The following ROCK2 variants were observed in gnomAD, a reference collection of about 807,000 sequenced individuals.
ROCK2 encodes Rho associated coiled-coil containing protein kinase 2.
In ROCK2, 61 loss-of-function variants were observed where a neutral mutation model predicts 195.1. That is an observed-to-expected ratio of 0.31 (90% confidence interval 0.25 to 0.39). The LOEUF is 0.39. ROCK2 is among the 10% of genes least tolerant of loss of function. ROCK2 has a pLI of 1.00. For missense variants in ROCK2, 1,109 were observed against 1,637.4 expected, an observed-to-expected ratio of 0.68 and a Z score of 5.57; for synonymous variants, 504 against 545.5, an observed-to-expected ratio of 0.92 and a Z score of 1.06.
At chr2:11,211,908 A>ATTTTT in intron 17 of ROCK2, 68 bp from the exon 18 acceptor site, 4 of 1,012,332 alleles carry the variant, frequency 4.0e-6, no homozygotes, top group Non-Finnish European at 5.4e-6. Flanking sequence ...AAGCTTTCTA[A>ATTTTT]TTTTTTTTTT....
chr2:11,235,965 G>A lies in ROCK2; in HGVS notation c.463-3C>T. 7.9e-6 allele frequency: 11 copies of A among 1,393,042 alleles called. No homozygotes were observed. The highest frequency in any genetic ancestry group is 4.1e-5 in the South Asian group (2 of 49,068). The allele number at this position is 1,393,042 out of a possible 1,614,324, so 86.3% of individuals were successfully genotyped here. On this transcript the variant is annotated splice_polypyrimidine_tract_variant and splice_region_variant and intron_variant, in intron 4 of 32. Transcript: ENST00000315872. This position sits in a 1 kb window ranked among gnomAD's most constrained non-coding sequence, Gnocchi z 4.2. Reference sequence around the variant, plus strand: ...TCATCTTGAAAGGCATAAAAAAGCTGGAAAACAAAAGGAAAAGGAAAAATT... The same window carrying A: ...TCATCTTGAAAGGCATAAAAAAGCTAGAAAACAAAAGGAAAAGGAAAAATT...
At position 11,217,157 on chromosome 2, in the gene ROCK2, G is replaced by C; in HGVS notation, c.1345C>G (p.Leu449Val). 6.4e-7 allele frequency: 1 copy of C among 1,551,478 alleles called. No individual in the cohort carries two copies. The highest frequency in any genetic ancestry group is 8.9e-7 in the Non-Finnish European group (1 of 1,125,628). The change falls in exon 12 of 33, where the codon CTG becomes GTG. Residue 449 changes from leucine to valine, a missense_variant. Transcript: ENST00000315872. ...CTAAGATGTTCTTCTAATGTATACA[G>C]TTTTTTCTGAATCTGTCAAAAAACA... ...NEESQEIQKKLYTLEEHLSNE... is the reference protein window; with the variant it reads ...NEESQEIQKKVYTLEEHLSNE...
At chr2:11,272,799 G>A (rs1320780446) in intron 3 of ROCK2, among the ~76,000 whole-genome samples, 1 of 147,748 alleles carries the variant, frequency 6.8e-6, no homozygotes, top group Non-Finnish European at 1.5e-5. Flanking sequence ...GAACACGGGA[G>A]ACAGAGGTTA....
At chr2:11,273,762 T>C (rs1403729316) in intron 3 of ROCK2, among the ~76,000 whole-genome samples, 1 of 151,988 alleles carries the variant, frequency 6.6e-6, no homozygotes, top group Admixed American at 6.6e-5. Flanking sequence ...TTTAAAAAGA[T>C]AGACATACAA....
At chr2:11,218,715 T>G (rs944151804) in intron 10 of ROCK2, among the ~76,000 whole-genome samples, 1 of 152,216 alleles carries the variant, frequency 6.6e-6, no homozygotes, top group Admixed American at 6.5e-5. Flanking sequence ...ACAAACTTAT[T>G]CTATCACTTT....
chr2:11,201,900 G>T lies in ROCK2; in HGVS notation c.2619+152C>A. On this transcript the variant is annotated intron_variant, in intron 21 of 32. Coordinates refer to ENST00000315872, the MANE Select transcript of ROCK2 (RefSeq NM_004850.5). The surrounding 1 kb of genome is among the most constrained non-coding windows in gnomAD (Gnocchi z 4.6). ...CTTCACCAGGTATGTTTTGTGCTTAGAATTATTTTTCTAGCAATGATAATA... is the reference window on the plus strand; with the variant it reads ...CTTCACCAGGTATGTTTTGTGCTTATAATTATTTTTCTAGCAATGATAATA... 1 of 596,806 alleles carries T rather than the reference G, an allele frequency of 1.7e-6. No individual in the cohort carries two copies. The highest frequency in any genetic ancestry group is 2.6e-5 in the Admixed American group (1 of 37,830). 37.0% of individuals were successfully genotyped at this position (596,806 alleles called of 1,614,324 possible). A position where few individuals can be genotyped will look rare whatever the true frequency, so the allele number is the denominator to read the frequency against.
chr2:11,283,047 G>T (rs1368125453), intron 3 of ROCK2, among the ~76,000 whole-genome samples: 1 of 151,944 alleles, frequency 6.6e-6, no homozygotes, highest in Non-Finnish European at 1.5e-5. Context: ...TGGGCAGATT[G>T]CCTGAGGTCA....
chr2:11,208,222 A>C (rs1387743802), intron 19 of ROCK2, 65 bp downstream of exon 19: 2 of 1,002,534 alleles, frequency 2.0e-6, no homozygotes, highest in Non-Finnish European at 2.6e-6. Context: ...CCATCACTAG[A>C]CCTTCATGAA....
intron 17 of ROCK2, among the ~76,000 whole-genome samples, chr2:11,214,016 T>A (rs1328909977): frequency 1.3e-5 from 2 of 152,206 alleles, no homozygotes; most frequent in Non-Finnish European, 2.9e-5. Context: ...AAAGAAAAAC[T>A]TCTAAATGCC....
At chr2:11,257,757 T>C (rs1868584) in intron 3 of ROCK2, among the ~76,000 whole-genome samples, 124,910 of 151,024 alleles carry the variant, frequency 0.83, 52,958 homozygotes, top group East Asian at 0.94. Flanking sequence ...ATAGGTACTT[T>C]AGGAGATTCG....
intron 1 of ROCK2, chr2:11,308,497 G>C (rs1667933938): frequency 6.3e-7 from 1 of 1,590,638 alleles, no homozygotes. Flanking sequence ...TCTTACCAAG[G>C]TTGCCACTGG....
At chr2:11,276,053 A>G (rs984187848) in intron 3 of ROCK2, among the ~76,000 whole-genome samples, 5 of 152,172 alleles carry the variant, frequency 3.3e-5, no homozygotes, top group African/African-American at 1.2e-4. Context: ...CCAGGAGTAA[A>G]AGAAAACCAC....
intron 6 of ROCK2, among the ~76,000 whole-genome samples, chr2:11,225,791 A>T (rs1167441563): frequency 6.6e-6 from 1 of 152,232 alleles, no homozygotes; most frequent in Non-Finnish European, 1.5e-5. Context: ...AGATGGGAGA[A>T]CGGACAGCTA....
intron 1 of ROCK2, among the ~76,000 whole-genome samples, chr2:11,297,135 T>A (rs1449382435): frequency 6.6e-6 from 1 of 152,056 alleles, no homozygotes; most frequent in Non-Finnish European, 1.5e-5. Flanking sequence ...TATTAACCAA[T>A]CATTAAAAAT....
At chr2:11,280,346 G>A (rs562970279) in intron 3 of ROCK2, among the ~76,000 whole-genome samples, 8 of 152,032 alleles carry the variant, frequency 5.3e-5, no homozygotes, top group East Asian at 1.9e-4. Flanking sequence ...ATAAGGGTCC[G>A]GGTGCAGTGA....
intron 5 of ROCK2, among the ~76,000 whole-genome samples, chr2:11,228,310 A>C (rs1664883164): frequency 6.6e-6 from 1 of 152,204 alleles, no homozygotes; most frequent in Non-Finnish European, 1.5e-5. Flanking sequence ...CCTTGAGAAA[A>C]GGAGGTTGAA....
At position 11,344,583 on chromosome 2, in the gene ROCK2, T is replaced by C. The variant is rs947745324; in HGVS notation, c.-447A>G. Reference sequence around the variant, plus strand: ...GCTGCCATGGTCGCCGCCGGCCGCCTTGCAGTCCCTCAGCCAGCTCCCGGC... The same window carrying C: ...GCTGCCATGGTCGCCGCCGGCCGCCCTGCAGTCCCTCAGCCAGCTCCCGGC... On this transcript the variant is annotated 5_prime_UTR_variant, in exon 1 of 33. Coordinates refer to ENST00000315872, the MANE Select transcript of ROCK2 (RefSeq NM_004850.5). The surrounding 1 kb of genome is among the most constrained non-coding windows in gnomAD (Gnocchi z 5.4). 3 of 724,168 alleles carry C rather than the reference T, an allele frequency of 4.1e-6. No homozygotes were observed. The African/African-American group carries it at 5.9e-5, about 14-fold the overall frequency. The allele number at this position is 724,168 out of a possible 1,614,324, so 44.9% of individuals were successfully genotyped here.
chr2:11,302,624 C>T (rs979162750), intron 1 of ROCK2, among the ~76,000 whole-genome samples: 3 of 152,194 alleles, frequency 2.0e-5, no homozygotes, highest in Non-Finnish European at 4.4e-5. Flanking sequence ...CTAGTTACAT[C>T]TGGCTACCAA....
At chr2:11,286,663 TTATAA>T (rs1290309183) in intron 2 of ROCK2, 24 bp from the exon 3 acceptor site, 2 of 1,154,770 alleles carry the variant, frequency 1.7e-6, no homozygotes, top group South Asian at 2.8e-5. Flanking sequence ...ATCACCATAC[TTATAA>T]TATCAATCAT....
Sources: allele counts gnomAD v4.1 joint callset (sites outside exome capture counted in the v4.1 genomes callset), GRCh38; gene constraint gnomAD v4.1.1; non-coding constraint Gnocchi (gnomAD v3.1); transcripts MANE v1.5; gene names NCBI Gene and HGNC (gene_info 2026-07-23, HGNC 2026-07-21).